NACC2: variants seen among roughly 807,000 people sequenced by gnomAD.
NACC2 encodes the protein nucleus accumbens-associated protein 2.
In NACC2, 8 loss-of-function variants were observed where a neutral mutation model predicts 25.1. The ratio of observed to expected loss-of-function variants is 0.32; its 90% confidence interval spans 0.19 to 0.57. The LOEUF is 0.57. Ranked by LOEUF, NACC2 falls within the 20% of genes least tolerant of loss-of-function variation. The pLI is 0.89. For missense variants in NACC2, 644 were observed against 650.2 expected (o/e 0.99, Z 0.10); for synonymous variants, 435 against 294.7 (o/e 1.48, Z -4.88).
rs1840846593 is a variant in NACC2 at position 136,051,876 on chromosome 9, A to AGG, written c.-59-1297_-59-1296insCC. ...GGCGGGGAGGGCGCAGGGAGCCGGC[A>AGG]AGGAGGAGGAGGAGGAGGAGGAGGA... On this transcript the variant is annotated intron_variant, in intron 1 of 5. Coordinates refer to ENST00000277554, the MANE Select transcript of NACC2 (RefSeq NM_144653.5). Among the ~76,000 whole-genome samples the AGG allele has an allele frequency of 4.3e-3, 568 of 132,384 alleles. 5 individuals carry two copies. The highest frequency in any genetic ancestry group is 0.018 in the African/African-American group (535 of 30,444). 86.8% of individuals were successfully genotyped at this position (132,384 alleles called of 152,430 possible). A position where few individuals can be genotyped will look rare whatever the true frequency, so the allele number is the denominator to read the frequency against.
intron 1 of NACC2, among the ~76,000 whole-genome samples, chr9:136,079,058 CTTTTT>C (rs10540260): frequency 4.7e-5 from 7 of 148,552 alleles, no homozygotes; most frequent in African/African-American, 1.5e-4. Flanking sequence ...ATAGCTTCTT[CTTTTT>C]TTTTTTTTTA....
intron 2 of NACC2, 38 bp from the exon 3 acceptor site, chr9:136,016,467 G>T (rs980162091): frequency 1.2e-6 from 2 of 1,608,096 alleles, no homozygotes; most frequent in Non-Finnish European, 1.7e-6. Context: ...ATGGGCATCT[G>T]GGGGGCCGGG....
chr9:136,093,413 G>C (rs1320957054), intron 1 of NACC2, among the ~76,000 whole-genome samples: 1 of 152,162 alleles, frequency 6.6e-6, no homozygotes. Context: ...AAAGAACAGA[G>C]CCTGTTCTCG....
At chr9:136,045,919 C>T (rs1840716029) in intron 2 of NACC2, among the ~76,000 whole-genome samples, 1 of 152,132 alleles carries the variant, frequency 6.6e-6, no homozygotes, top group Non-Finnish European at 1.5e-5. Context: ...GCTGGCGCTG[C>T]CCACCCGGCC....
chr9:136,007,286 G>C lies in NACC2; in HGVS notation c.*4230C>G, dbSNP rs530583638. 7.1e-5 allele frequency: 11 copies of C among 154,450 alleles called. No individual in the cohort carries two copies. Among genetic ancestry groups the C allele is most frequent in the African/African-American group, 2.4e-4 (10 of 41,608 alleles). The allele number at this position is 154,450 out of a possible 1,614,324, so 9.6% of individuals were successfully genotyped here. ...AAACAAACAAACACGAAAAACCTTT[G>C]CCATTTTAGAACCATCTTGTACCAA... On this transcript the variant is annotated 3_prime_UTR_variant, in exon 6 of 6. Coordinates refer to ENST00000277554, the MANE Select transcript of NACC2 (RefSeq NM_144653.5).
At chr9:136,087,902 C>T (rs911181647) in intron 1 of NACC2, among the ~76,000 whole-genome samples, 1 of 152,178 alleles carries the variant, frequency 6.6e-6, no homozygotes, top group Non-Finnish European at 1.5e-5. Context: ...TGCCCAAGGC[C>T]GGCCGTGGCC....
rs1840312271 is a variant in NACC2 at position 136,022,839 on chromosome 9, T to A, written c.887-6410A>T. On this transcript the variant is annotated intron_variant, in intron 2 of 5. Coordinates refer to ENST00000277554, the MANE Select transcript of NACC2 (RefSeq NM_144653.5). This position sits in a 1 kb window ranked among gnomAD's most constrained non-coding sequence, Gnocchi z 4.4. ...TCTCTCATGTGCCACAGGGCAAAGGTGCCACCAATTTAATCATGCCACGCC... is the reference window on the plus strand; with the variant it reads ...TCTCTCATGTGCCACAGGGCAAAGGAGCCACCAATTTAATCATGCCACGCC... Among the ~76,000 whole-genome samples the A allele has an allele frequency of 6.6e-6, 1 of 151,228 alleles. No individual in the cohort carries two copies. Among genetic ancestry groups the A allele is most frequent in the South Asian group, 2.1e-4 (1 of 4,790 alleles).
chr9:136,065,719 T>A (rs1034106622), intron 1 of NACC2, among the ~76,000 whole-genome samples: 1 of 150,754 alleles, frequency 6.6e-6, no homozygotes, highest in Admixed American at 6.6e-5. Context: ...GGTGTGAGAA[T>A]CACTTTAACC....
rs115921483 is a variant in NACC2 at position 136,020,581 on chromosome 9, G to C, written c.887-4152C>G. 0.01 allele frequency among the ~76,000 whole-genome samples: 1,563 copies of C among 152,352 alleles called. 33 individuals are homozygous for C. The highest frequency in any genetic ancestry group is 0.035 in the African/African-American group (1,467 of 41,576). On this transcript the variant is annotated intron_variant, in intron 2 of 5. Transcript: ENST00000277554. The surrounding 1 kb of genome is among the most constrained non-coding windows in gnomAD (Gnocchi z 4.7). Reference sequence around the variant, plus strand: ...AGACGGGGAGGCCTACTCCCTAAAAGTGTATACCATTTGTTAAAATGCACC... The same window carrying C: ...AGACGGGGAGGCCTACTCCCTAAAACTGTATACCATTTGTTAAAATGCACC...
At chr9:136,021,053 T>C (rs1840283696) in intron 2 of NACC2, among the ~76,000 whole-genome samples, 1 of 152,040 alleles carries the variant, frequency 6.6e-6, no homozygotes, top group Non-Finnish European at 1.5e-5. Context: ...TTCATCAGAA[T>C]GAAAAACTTC....
At chr9:136,088,426 C>A (rs1276966582) in intron 1 of NACC2, among the ~76,000 whole-genome samples, 1 of 152,188 alleles carries the variant, frequency 6.6e-6, no homozygotes, top group Non-Finnish European at 1.5e-5. Flanking sequence ...CCACATCTTT[C>A]CCAGCAGCTG....
At chr9:136,076,683 A>C (rs555780705) in intron 1 of NACC2, among the ~76,000 whole-genome samples, 5 of 152,102 alleles carry the variant, frequency 3.3e-5, no homozygotes, top group Non-Finnish European at 7.4e-5. Context: ...TAAAATGGTG[A>C]ATTTCATGTT....
rs1840104231 is a variant in NACC2, at chr9:136,011,442, T to C, written c.*74A>G. ...GCAGTTCAGTAGGTAAGTGGCTTGA[T>C]CACATTTGTTTGTATTAGTAACGCA... On this transcript the variant is annotated 3_prime_UTR_variant, in exon 6 of 6. Transcript: ENST00000277554. 6.2e-6 allele frequency: 8 copies of C among 1,283,390 alleles called. No individual in the cohort carries two copies. In the East Asian group the frequency reaches 2.3e-4, roughly 37 times the overall value. 79.5% of individuals were successfully genotyped at this position (1,283,390 alleles called of 1,614,324 possible).
intron 1 of NACC2, among the ~76,000 whole-genome samples, chr9:136,092,047 G>T (rs1830438760): frequency 6.6e-6 from 1 of 152,184 alleles, no homozygotes; most frequent in Admixed American, 6.5e-5. Context: ...CTGGGGATTA[G>T]GGGGCGCCTC....
In NACC2 at chr9:136,006,933, C is replaced by T. The variant is rs1485890411; in HGVS notation, c.*4583G>A. 2 of 152,806 alleles carry T rather than the reference C, an allele frequency of 1.3e-5. No individual in the cohort carries two copies. The highest frequency in any genetic ancestry group is 2.4e-5 in the African/African-American group (1 of 41,438). 9.5% of individuals were successfully genotyped at this position (152,806 alleles called of 1,614,324 possible). A position where few individuals can be genotyped will look rare whatever the true frequency, so the allele number is the denominator to read the frequency against. On this transcript the variant is annotated 3_prime_UTR_variant, in exon 6 of 6. Transcript: ENST00000277554. ...TTTTTAACAGTCGTGAGTTACAGTA[C>T]TTTAACCCCTAAACAGACTCTTTAA...
At position 136,009,628 on chromosome 9, in the gene NACC2, G is replaced by A. The variant is rs964483940; in HGVS notation, c.*1888C>T. 1 of 152,280 alleles carries A rather than the reference G, an allele frequency of 6.6e-6. No individual in the cohort carries two copies. Among genetic ancestry groups the A allele is most frequent in the African/African-American group, 2.4e-5 (1 of 41,456 alleles). The allele number at this position is 152,280 out of a possible 1,614,324, so 9.4% of individuals were successfully genotyped here. ...TGCTGTCTGTAGAGGCGGCCCCACG[G>A]GAGGTCTCCTAGGGCCTCGCCACAG... is the stretch of plus-strand genomic sequence containing the variant. On this transcript the variant is annotated 3_prime_UTR_variant, in exon 6 of 6. Transcript: ENST00000277554.
At chr9:136,052,504 G>C in intron 1 of NACC2, among the ~76,000 whole-genome samples, 1 of 152,090 alleles carries the variant, frequency 6.6e-6, no homozygotes, top group African/African-American at 2.4e-5. Flanking sequence ...GGTACAGCAG[G>C]GGGTGAAGAG....
intron 1 of NACC2, among the ~76,000 whole-genome samples, chr9:136,087,787 A>G (rs1830393843): frequency 6.6e-6 from 1 of 152,196 alleles, no homozygotes; most frequent in South Asian, 2.1e-4. Context: ...AGCTGAGGAC[A>G]GCCCAGGACG....
In NACC2 at chr9:136,055,226, G is replaced by A. The variant is rs1262452654; in HGVS notation, c.-59-4646C>T. Among the ~76,000 whole-genome samples, 3 of 152,172 alleles carry A rather than the reference G, an allele frequency of 2.0e-5. No individual in the cohort carries two copies. The highest frequency in any genetic ancestry group is 4.4e-5 in the Non-Finnish European group (3 of 68,022). On this transcript the variant is annotated intron_variant, in intron 1 of 5. Coordinates refer to ENST00000277554, the MANE Select transcript of NACC2 (RefSeq NM_144653.5). This position sits in a 1 kb window ranked among gnomAD's most constrained non-coding sequence, Gnocchi z 4.9. ...AGGACAGGGGCTCACTGGAACTGCAGCCAGACGCGCACACAGGGGTTGGGG... is the reference window on the plus strand; with the variant it reads ...AGGACAGGGGCTCACTGGAACTGCAACCAGACGCGCACACAGGGGTTGGGG...
Sources: gnomAD v4.1 joint callset for allele counts (sites outside exome capture counted in the v4.1 genomes callset) on GRCh38, gnomAD v4.1.1 for gene constraint, Gnocchi (gnomAD v3.1) non-coding constraint, MANE v1.5 for transcripts, NCBI Gene and HGNC (gene_info 2026-07-23, HGNC 2026-07-21) for gene names.